Variants in STPG2 observed in about 807,000 individuals in gnomAD.
The protein encoded by STPG2 is sperm-tail PG-rich repeat-containing protein 2.
STPG2 carries 56 observed loss-of-function variants against 54.2 expected under a neutral mutation model. The ratio of observed to expected loss-of-function variants is 1.03; its 90% CI spans 0.83 to 1.29. The LOEUF is 1.29. STPG2 is among the 50% of genes most tolerant of loss of function. The pLI, the probability that STPG2 is intolerant of heterozygous loss-of-function variation, is 0.00. For synonymous variants in STPG2, 200 were observed against 181.8 expected, an observed-to-expected ratio of 1.10 and a Z score of -0.81; for missense variants, 596 against 544.9, an observed-to-expected ratio of 1.09 and a Z score of -0.93.
chr4:97,461,189 G>A (rs574979109), intron 4 of STPG2, among the ~76,000 whole-genome samples: 64 of 152,260 alleles, frequency 4.2e-4, no homozygotes, highest in Middle Eastern at 3.4e-3. Flanking sequence ...AATCTACCAA[G>A]TAAAGCATAT....
intron 8 of STPG2, among the ~76,000 whole-genome samples, chr4:97,867,691 T>G (rs1417819265): frequency 6.6e-6 from 1 of 152,072 alleles, no homozygotes; most frequent in South Asian, 2.1e-4. Context: ...CCAGGACTGA[T>G]GCAGCAGTCC....
chr4:97,910,436 A>G (rs1365491274), intron 8 of STPG2, among the ~76,000 whole-genome samples: 1 of 152,236 alleles, frequency 6.6e-6, no homozygotes, highest in Admixed American at 6.5e-5. Context: ...TGAAAATTAA[A>G]TTATCATGTG....
At chr4:97,835,617 T>C (rs970649308) in intron 9 of STPG2, among the ~76,000 whole-genome samples, 6 of 152,126 alleles carry the variant, frequency 3.9e-5, no homozygotes, top group African/African-American at 1.4e-4. Context: ...GTTCAAAGAC[T>C]AATTTCAACT....
chr4:98,142,045 G>T (rs1214931617), intron 1 of STPG2, among the ~76,000 whole-genome samples: 1 of 151,596 alleles, frequency 6.6e-6, no homozygotes, highest in Admixed American at 6.6e-5. Flanking sequence ...GGATTGCAAA[G>T]TGTCACAGGG....
At chr4:97,590,514 C>T (rs1370853248) in intron 10 of STPG2, among the ~76,000 whole-genome samples, 1 of 151,956 alleles carries the variant, frequency 6.6e-6, no homozygotes, top group Non-Finnish European at 1.5e-5. Context: ...TATTCTTACA[C>T]AAGAAATGAT....
chr4:98,058,028 C>G (rs190138079), intron 5 of STPG2, among the ~76,000 whole-genome samples: 1 of 152,268 alleles, frequency 6.6e-6, no homozygotes, highest in Admixed American at 6.5e-5. Flanking sequence ...ACCACCAGAC[C>G]TGCCTTACAA....
intron 5 of STPG2, among the ~76,000 whole-genome samples, chr4:98,005,150 A>G (rs1431277502): frequency 6.6e-6 from 1 of 152,174 alleles, no homozygotes; most frequent in Non-Finnish European, 1.5e-5. Context: ...AGAAAGAAGA[A>G]GGCCAGAAGA....
At chr4:98,136,437 C>T (rs10012028) in intron 1 of STPG2, among the ~76,000 whole-genome samples, 12,192 of 144,496 alleles carry the variant, frequency 0.084, 549 homozygotes, top group African/African-American at 0.11. Flanking sequence ...TTACCTAACA[C>T]AAAGACTATT....
intron 5 of STPG2, among the ~76,000 whole-genome samples, chr4:98,078,496 G>T (rs1738239384): frequency 6.6e-6 from 1 of 151,590 alleles, no homozygotes; most frequent in African/African-American, 2.4e-5. Context: ...CATGATTTCA[G>T]TGTTTTAAGT....
chr4:97,976,871 AC>A (rs1230955373), intron 6 of STPG2, among the ~76,000 whole-genome samples: 3 of 152,180 alleles, frequency 2.0e-5, no homozygotes, highest in Non-Finnish European at 4.4e-5. Flanking sequence ...TGACGGTAAG[AC>A]CCAATCTTAG....
chr4:97,868,293 A>T (rs1350353673), intron 8 of STPG2, among the ~76,000 whole-genome samples: 1 of 151,694 alleles, frequency 6.6e-6, no homozygotes, highest in Non-Finnish European at 1.5e-5. Flanking sequence ...TTCCTCATTG[A>T]TATTATAATT....
intron 10 of STPG2, among the ~76,000 whole-genome samples, chr4:97,668,024 T>C (rs1722579117): frequency 1.3e-5 from 2 of 152,178 alleles, no homozygotes; most frequent in African/African-American, 4.8e-5. Context: ...TCTACATGTT[T>C]TACATGACTA....
intron 10 of STPG2, among the ~76,000 whole-genome samples, chr4:97,652,909 A>C (rs1722110719): frequency 6.6e-6 from 1 of 152,040 alleles, no homozygotes; most frequent in Non-Finnish European, 1.5e-5. Context: ...GGTATGAGTT[A>C]CTGGGTACTA....
intron 7 of STPG2, among the ~76,000 whole-genome samples, chr4:97,948,647 C>T (rs1733342606): frequency 1.3e-5 from 2 of 151,944 alleles, no homozygotes; most frequent in African/African-American, 4.8e-5. Flanking sequence ...TGTTTAATTT[C>T]CAACTTGATT....
At chr4:98,129,328 T>C (rs1739917939) in intron 2 of STPG2, among the ~76,000 whole-genome samples, 2 of 152,228 alleles carry the variant, frequency 1.3e-5, no homozygotes, top group Admixed American at 1.3e-4. Context: ...TCTGGCTTCA[T>C]TCCTTCCCAG....
At chr4:97,697,717 C>A (rs1263351903) in intron 10 of STPG2, among the ~76,000 whole-genome samples, 3 of 152,054 alleles carry the variant, frequency 2.0e-5, no homozygotes, top group Non-Finnish European at 4.4e-5. Flanking sequence ...GCTATGACAC[C>A]CATGCTGAAG....
intron 2 of STPG2, among the ~76,000 whole-genome samples, chr4:98,130,950 A>C (rs1375749104): frequency 8.1e-6 from 1 of 123,120 alleles, no homozygotes; most frequent in Admixed American, 7.7e-5. Context: ...CAAAAAAAAA[A>C]CGACTTTCCA....
At chr4:98,066,831 G>A (rs1737851606) in intron 5 of STPG2, among the ~76,000 whole-genome samples, 1 of 152,086 alleles carries the variant, frequency 6.6e-6, no homozygotes, top group Non-Finnish European at 1.5e-5. Context: ...TTCTCTACCT[G>A]TAACTGTTCG....
intron 3 of STPG2, among the ~76,000 whole-genome samples, chr4:98,125,467 G>A (rs60028147): frequency 0.39 from 59,055 of 151,472 alleles, 11,684 homozygotes; most frequent in African/African-American, 0.45. Flanking sequence ...CACCCTATTT[G>A]CCTAGGTCCC....
Sources: gnomAD v4.1 joint callset for allele counts (sites outside exome capture counted in the v4.1 genomes callset) on GRCh38, gnomAD v4.1.1 for gene constraint, MANE v1.5 for transcripts, NCBI Gene and HGNC (gene_info 2026-07-23, HGNC 2026-07-21) for gene names.